Variants in ASTN2 observed in about 807,000 individuals in gnomAD.
The protein encoded by ASTN2 is astrotactin 2.
In ASTN2, 54 loss-of-function variants were observed where a neutral mutation model predicts 139.8. The observed-to-expected ratio is 0.39, with a 90% CI of 0.31 to 0.48. The LOEUF is 0.48. Among genes scored for constraint, ASTN2 ranks in the 20% least tolerant of loss-of-function variants. ASTN2 has a pLI of 0.95. For missense variants in ASTN2, 1,565 were observed against 1,725.1 expected, an observed-to-expected ratio of 0.91 and a Z score of 1.64; for synonymous variants, 756 against 719.5, an observed-to-expected ratio of 1.05 and a Z score of -0.81.
At chr9:116,523,349 AAAAGG>A (rs1850959572) in intron 19 of ASTN2, among the ~76,000 whole-genome samples, 1 of 152,312 alleles carries the variant, frequency 6.6e-6, no homozygotes, top group East Asian at 1.9e-4. Flanking sequence ...CATTTTGATC[AAAAGG>A]AAAGACAGTA....
In ASTN2 at chr9:117,224,447, T is replaced by C. The variant is rs548090131; in HGVS notation, c.631-9705A>G. On this transcript the variant is annotated intron_variant, in intron 2 of 22. Coordinates refer to ENST00000313400, the MANE Select transcript of ASTN2 (RefSeq NM_001365068.1). ...TGAAACCACTACTTCCCCTCCACTATACAATCAGATATTCTCTATACAGTT... is the reference window on the plus strand; with the variant it reads ...TGAAACCACTACTTCCCCTCCACTACACAATCAGATATTCTCTATACAGTT... Among the ~76,000 whole-genome samples the C allele has an allele frequency of 2.0e-5, 3 of 152,276 alleles. 1 individual carries two copies. In the South Asian group the frequency reaches 6.2e-4, roughly 32 times the overall value.
At chr9:116,841,219 A>C (rs1286763985) in intron 11 of ASTN2, among the ~76,000 whole-genome samples, 1 of 152,170 alleles carries the variant, frequency 6.6e-6, no homozygotes, top group Non-Finnish European at 1.5e-5. Flanking sequence ...CACCAAGAAA[A>C]TACGAAAACC....
At chr9:117,291,542 G>A (rs1834593934) in intron 1 of ASTN2, 29 bp from the exon 2 acceptor site, 1 of 1,561,720 alleles carries the variant, frequency 6.4e-7, no homozygotes, top group East Asian at 2.3e-5. Context: ...GGCACTGGGT[G>A]AGCCGTACGC....
chr9:117,089,857 T>C (rs185819384), intron 5 of ASTN2, among the ~76,000 whole-genome samples: 1 of 152,384 alleles, frequency 6.6e-6, no homozygotes, highest in African/African-American at 2.4e-5. Context: ...ATGCCGTTAA[T>C]TCATTCCTTT....
intron 19 of ASTN2, 148 bp downstream of exon 19, chr9:116,618,176 C>G: frequency 1.2e-6 from 1 of 810,624 alleles, no homozygotes; most frequent in East Asian, 2.8e-5. Flanking sequence ...AAACAGCACA[C>G]AAGGATGGAC....
intron 4 of ASTN2, among the ~76,000 whole-genome samples, chr9:117,130,720 G>A (rs376362390): frequency 3.2e-4 from 48 of 152,292 alleles, no homozygotes; most frequent in African/African-American, 1.1e-3. Context: ...TTCTTTCCAT[G>A]TAGGAATGGG....
chr9:116,775,576 G>A (rs557481884), intron 13 of ASTN2, among the ~76,000 whole-genome samples: 92 of 97,436 alleles, frequency 9.4e-4, no homozygotes, highest in African/African-American at 3.4e-3. Context: ...AGGGAAGGGA[G>A]GAGGAAGTAA....
At position 117,271,934 on chromosome 9, in the gene ASTN2, G is replaced by C. The variant is rs114369772; in HGVS notation, c.630+19392C>G. On this transcript the variant is annotated intron_variant, in intron 2 of 22. Coordinates refer to ENST00000313400, the MANE Select transcript of ASTN2 (RefSeq NM_001365068.1). Reference sequence around the variant, plus strand: ...TTCCAGGTGCACTGCACAAGCTGTTGATGGATCTTCCATTCTGGGGTCTGA... The same window carrying C: ...TTCCAGGTGCACTGCACAAGCTGTTCATGGATCTTCCATTCTGGGGTCTGA... Among the ~76,000 whole-genome samples the C allele has an allele frequency of 6.4e-3, 969 of 152,274 alleles. 12 individuals are homozygous for C. Among genetic ancestry groups the C allele is most frequent in the African/African-American group, 0.022 (925 of 41,554 alleles).
intron 19 of ASTN2, among the ~76,000 whole-genome samples, chr9:116,564,072 T>G (rs1193423184): frequency 6.6e-6 from 1 of 152,224 alleles, no homozygotes; most frequent in Non-Finnish European, 1.5e-5. Flanking sequence ...TATTTTACAG[T>G]TGAGTAAGTG....
chr9:116,870,544 G>A (rs1310223484), intron 10 of ASTN2, among the ~76,000 whole-genome samples: 1 of 152,068 alleles, frequency 6.6e-6, no homozygotes, highest in Non-Finnish European at 1.5e-5. Context: ...CAGACATTGT[G>A]CAAAAGGTTC....
At chr9:116,482,351 A>G (rs1428554805) in intron 20 of ASTN2, among the ~76,000 whole-genome samples, 3 of 152,108 alleles carry the variant, frequency 2.0e-5, no homozygotes, top group Non-Finnish European at 4.4e-5. Context: ...AAAACAAAAA[A>G]ACACTACCCT....
intron 13 of ASTN2, among the ~76,000 whole-genome samples, chr9:116,777,701 C>T (rs1401070994): frequency 6.6e-6 from 1 of 152,130 alleles, no homozygotes; most frequent in African/African-American, 2.4e-5. Flanking sequence ...CAATCTAAGA[C>T]CACACCTCCA....
At chr9:116,606,765 A>T (rs1056322063) in intron 19 of ASTN2, among the ~76,000 whole-genome samples, 1 of 152,152 alleles carries the variant, frequency 6.6e-6, no homozygotes, top group African/African-American at 2.4e-5. Flanking sequence ...ACTGTGCTGG[A>T]ATTAACCCTT....
At chr9:117,013,509 T>C (rs1837592094) in intron 6 of ASTN2, among the ~76,000 whole-genome samples, 1 of 150,332 alleles carries the variant, frequency 6.7e-6, no homozygotes, top group South Asian at 2.1e-4. Flanking sequence ...TCCCACTTAC[T>C]TGTGGGAATA....
At chr9:116,723,326 C>T (rs1329597209) in intron 16 of ASTN2, among the ~76,000 whole-genome samples, 2 of 152,070 alleles carry the variant, frequency 1.3e-5, no homozygotes, top group South Asian at 2.1e-4. Context: ...TTTTATTCTC[C>T]CAAAAGCCAT....
intron 19 of ASTN2, among the ~76,000 whole-genome samples, chr9:116,521,323 A>C (rs1850862063): frequency 6.6e-6 from 1 of 152,106 alleles, no homozygotes; most frequent in South Asian, 2.1e-4. Flanking sequence ...GAATGGAAAG[A>C]AGAACCCAGA....
intron 21 of ASTN2, among the ~76,000 whole-genome samples, chr9:116,441,890 T>G (rs1847850265): frequency 6.6e-6 from 1 of 152,232 alleles, no homozygotes; most frequent in African/African-American, 2.4e-5. Flanking sequence ...GCCTGCTGTT[T>G]ATGTCATGAA....
In ASTN2 at chr9:116,750,980, T is replaced by C. The variant is rs143635136; in HGVS notation, c.2397-17457A>G. 3.8e-3 allele frequency among the ~76,000 whole-genome samples: 583 copies of C among 152,334 alleles called. 1 individual carries two copies. The highest frequency in any genetic ancestry group is 0.013 in the African/African-American group (555 of 41,578). ...CAGTTTGTAAGACCCTGGATCCAGC[T>C]TCCCACCTTCTTAGATACTGGTTAT... On this transcript the variant is annotated intron_variant, in intron 13 of 22. Coordinates refer to ENST00000313400, the MANE Select transcript of ASTN2 (RefSeq NM_001365068.1).
At position 117,054,522 on chromosome 9, in the gene ASTN2, A is replaced by G. The variant is rs186630344; in HGVS notation, c.1277-14557T>C. Among the ~76,000 whole-genome samples, 194 of 152,366 alleles carry G rather than the reference A, an allele frequency of 1.3e-3. 1 individual carries two copies. Among genetic ancestry groups the G allele is most frequent in the Non-Finnish European group, 2.5e-3 (170 of 68,044 alleles). On this transcript the variant is annotated intron_variant, in intron 5 of 22. Coordinates refer to ENST00000313400, the MANE Select transcript of ASTN2 (RefSeq NM_001365068.1). ...CCAATAAACAGAGGTAGCAGAGATC[A>G]GTGCAGAGCAGCAAATCCTTAATCC...
Sources: allele counts gnomAD v4.1 joint callset (sites outside exome capture counted in the v4.1 genomes callset), GRCh38; gene constraint gnomAD v4.1.1; transcripts MANE v1.5; gene names NCBI Gene and HGNC (gene_info 2026-07-23, HGNC 2026-07-21).